GALNT17: variants seen among roughly 807,000 people sequenced by gnomAD.
GALNT17 encodes the protein UDP-GalNAc:polypeptide N-acetylgalactosaminyltransferase-like 3.
GALNT17 carries 29 observed loss-of-function variants against 63.7 expected under a neutral mutation model. The observed-to-expected ratio is 0.46, with a 90% CI of 0.34 to 0.62. The LOEUF (loss-of-function observed/expected upper bound fraction) is 0.62, where lower values mean the gene tolerates loss of function less well. Ranked by LOEUF, GALNT17 falls within the 20% of genes least tolerant of loss-of-function variation. The probability of loss-of-function intolerance (pLI) is 0.01; values close to 1 mark genes in which losing one functional copy is unlikely to be tolerated. For missense variants in GALNT17, 603 were observed against 799.6 expected, an observed-to-expected ratio of 0.75 and a Z score of 2.97; for synonymous variants, 305 against 318.3, an observed-to-expected ratio of 0.96 and a Z score of 0.45.
chr7:71,594,096 A>G (rs1362144950), intron 6 of GALNT17, among the ~76,000 whole-genome samples: 3 of 151,876 alleles, frequency 2.0e-5, no homozygotes, highest in Non-Finnish European at 4.4e-5. Flanking sequence ...AAAATCAGCC[A>G]TCTCTTTGGG....
At chr7:71,671,585 G>A (rs991519751) in intron 8 of GALNT17, among the ~76,000 whole-genome samples, 1 of 152,210 alleles carries the variant, frequency 6.6e-6, no homozygotes, top group Non-Finnish European at 1.5e-5. Flanking sequence ...CCAGCCTGCT[G>A]GGTTCAAATC....
chr7:71,338,879 G>A (rs1791959379), intron 2 of GALNT17, among the ~76,000 whole-genome samples: 1 of 152,188 alleles, frequency 6.6e-6, no homozygotes, highest in South Asian at 2.1e-4. Context: ...TAAATTTGCA[G>A]CATTAGCTGA....
At chr7:71,662,348 GTCTGTCTA>G (rs962621591) in intron 6 of GALNT17, among the ~76,000 whole-genome samples, 7 of 145,870 alleles carry the variant, frequency 4.8e-5, no homozygotes, top group Non-Finnish European at 9.1e-5. Flanking sequence ...CTGTCTGTCT[GTCTGTCTA>G]TCTATCATCT....
chr7:71,614,719 AGAAAC>A (rs1790172892), intron 6 of GALNT17, among the ~76,000 whole-genome samples: 1 of 151,874 alleles, frequency 6.6e-6, no homozygotes, highest in Admixed American at 6.6e-5. Context: ...AAGGAAAAAA[AGAAAC>A]AGAAAGAAAA....
At chr7:71,288,110 G>A (rs1267443176) in intron 1 of GALNT17, among the ~76,000 whole-genome samples, 2 of 149,656 alleles carry the variant, frequency 1.3e-5, no homozygotes, top group Non-Finnish European at 2.9e-5. Context: ...CAGCTACTCG[G>A]GAGGCTGAGG....
At chr7:71,530,647 G>T (rs1388904181) in intron 5 of GALNT17, among the ~76,000 whole-genome samples, 1 of 151,756 alleles carries the variant, frequency 6.6e-6, no homozygotes, top group Non-Finnish European at 1.5e-5. Flanking sequence ...CATCTTGGCT[G>T]CCTCCTGCCT....
chr7:71,363,033 C>T (rs534763138), intron 2 of GALNT17, among the ~76,000 whole-genome samples: 10 of 152,106 alleles, frequency 6.6e-5, no homozygotes, highest in Admixed American at 6.5e-4. Flanking sequence ...GTGGCCCGAT[C>T]TCAGCTGACC....
intron 5 of GALNT17, among the ~76,000 whole-genome samples, chr7:71,466,754 T>C (rs927873933): frequency 2.6e-5 from 4 of 152,320 alleles, no homozygotes; most frequent in Middle Eastern, 3.4e-3. Flanking sequence ...AAAATTTAGC[T>C]CTTTTAACAG....
chr7:71,710,705 C>T, intron 9 of GALNT17, 56 bp from the exon 10 acceptor site: 10 of 1,594,860 alleles, frequency 6.3e-6, no homozygotes, highest in Non-Finnish European at 8.5e-6. Flanking sequence ...TGCTTCCTCC[C>T]ATGTCTCACT....
At chr7:71,257,183 T>C (rs1790304620) in intron 1 of GALNT17, among the ~76,000 whole-genome samples, 1 of 152,202 alleles carries the variant, frequency 6.6e-6, no homozygotes, top group Non-Finnish European at 1.5e-5. Context: ...GTTCTTTTTT[T>C]GTGAAATGGG....
intron 5 of GALNT17, among the ~76,000 whole-genome samples, chr7:71,465,724 G>T (rs1787524444): frequency 6.6e-6 from 1 of 152,178 alleles, no homozygotes; most frequent in South Asian, 2.1e-4. Flanking sequence ...GTATACATGG[G>T]AGCCTTCAGA....
chr7:71,205,447 C>A (rs149117282), intron 1 of GALNT17, among the ~76,000 whole-genome samples: 1 of 152,010 alleles, frequency 6.6e-6, no homozygotes, highest in Non-Finnish European at 1.5e-5. Context: ...CCACCGTGCC[C>A]GGCCACTTTT....
intron 5 of GALNT17, among the ~76,000 whole-genome samples, chr7:71,492,682 C>G (rs1436504544): frequency 6.6e-6 from 1 of 152,220 alleles, no homozygotes; most frequent in Non-Finnish European, 1.5e-5. Context: ...CTCCAGTTCT[C>G]TCAGTTTATT....
chr7:71,361,757 T>A (rs1792404840), intron 2 of GALNT17, among the ~76,000 whole-genome samples: 1 of 151,838 alleles, frequency 6.6e-6, no homozygotes, highest in South Asian at 2.1e-4. Flanking sequence ...GTGTTATAAA[T>A]AGCATTGCAT....
intron 1 of GALNT17, among the ~76,000 whole-genome samples, chr7:71,162,085 C>T (rs1788353881): frequency 2.6e-5 from 3 of 115,364 alleles, no homozygotes; most frequent in African/African-American, 1.1e-4. Flanking sequence ...TCCTTCTTTC[C>T]TTCCTCCCTC....
At chr7:71,337,698 T>C (rs941075077) in intron 2 of GALNT17, among the ~76,000 whole-genome samples, 1 of 151,556 alleles carries the variant, frequency 6.6e-6, no homozygotes. Flanking sequence ...CAAAACCCCG[T>C]CTCTACTAAA....
intron 2 of GALNT17, among the ~76,000 whole-genome samples, chr7:71,385,280 G>A (rs1172272584): frequency 6.6e-6 from 1 of 152,078 alleles, no homozygotes; most frequent in Admixed American, 6.6e-5. Context: ...GCTGAGCTCA[G>A]GCCCAGTGGT....
chr7:71,213,765 A>G (rs868414932), intron 1 of GALNT17, among the ~76,000 whole-genome samples: 1 of 152,116 alleles, frequency 6.6e-6, no homozygotes, highest in Non-Finnish European at 1.5e-5. Flanking sequence ...TTTCATTTTA[A>G]TCATTCTTTT....
At chr7:71,498,849 A>G (rs547325040) in intron 5 of GALNT17, among the ~76,000 whole-genome samples, 25 of 152,342 alleles carry the variant, frequency 1.6e-4, no homozygotes, top group African/African-American at 6.0e-4. Context: ...AATAGATGAC[A>G]TTTAAGGTCC....
Sources: gnomAD v4.1 joint callset for allele counts (sites outside exome capture counted in the v4.1 genomes callset) on GRCh38, gnomAD v4.1.1 for gene constraint, MANE v1.5 for transcripts, NCBI Gene and HGNC (gene_info 2026-07-23, HGNC 2026-07-21) for gene names.